The following SLC9A6 variants were observed in gnomAD, a reference collection of about 807,000 sequenced individuals.
The protein encoded by SLC9A6 is solute carrier family 9 member A6.
In SLC9A6, 6 loss-of-function variants were observed where a neutral mutation model predicts 45.3. That is an observed-to-expected ratio of 0.13 (90% CI 0.07 to 0.26). The LOEUF (loss-of-function observed/expected upper bound fraction) is 0.26, where lower values mean the gene tolerates loss of function less well. Among genes scored for constraint, SLC9A6 ranks in the 10% least tolerant of loss-of-function variants. SLC9A6 has a pLI of 1.00. For missense variants in SLC9A6, 278 were observed against 503.7 expected (o/e 0.55, Z 4.29); for synonymous variants, 191 against 187.7 (o/e 1.02, Z -0.14).
At chrX:136,031,807 T>C (rs2071326645) in intron 15 of SLC9A6, among the ~76,000 whole-genome samples, 1 of 111,273 alleles carries the variant, frequency 9.0e-6, no homozygotes, top group Non-Finnish European at 1.9e-5. Context: ...GGTGTTCATG[T>C]GGTGAGGGGT....
At chrX:135,998,819 TA>T (rs781887044) in intron 5 of SLC9A6, 36 bp from the exon 6 acceptor site, 16 of 987,477 alleles carry the variant, frequency 1.6e-5, no homozygotes, top group Admixed American at 4.4e-5. Flanking sequence ...TAACAGTTGA[TA>T]TTTTTTTCTA....
At chrX:136,010,223 T>TAC (rs1159757598) in intron 7 of SLC9A6, 1 of 339,875 alleles carries the variant, frequency 2.9e-6, no homozygotes. Flanking sequence ...TACAATGTTC[T>TAC]ACCCCCCCCC....
chrX:136,030,618 A>C (rs1370132195), intron 15 of SLC9A6, among the ~76,000 whole-genome samples: 1 of 111,661 alleles, frequency 9.0e-6, no homozygotes, highest in African/African-American at 3.3e-5. Context: ...ATCTTCAACC[A>C]GTCTTCCCTG....
intron 10 of SLC9A6, among the ~76,000 whole-genome samples, chrX:136,015,745 A>C (rs2071007044): frequency 8.9e-6 from 1 of 111,743 alleles, no homozygotes; most frequent in African/African-American, 3.3e-5. Flanking sequence ...TTTTTGGGTA[A>C]TAAGGCAACC....
In SLC9A6 at chrX:136,011,826, C is replaced by T. The variant is rs782798211; in HGVS notation, c.886-1123C>T. On this transcript the variant is annotated intron_variant, in intron 8 of 17. Transcript: ENST00000630721. The stretch of plus-strand genomic sequence containing the variant: ...CCAGCTCTGGCCTGGTGCAGTGGCT[C>T]GTGCCTGTAATCCTAGCACTTTGGG... 7.2e-5 allele frequency among the ~76,000 whole-genome samples: 8 copies of T among 111,269 alleles called. No individual in the cohort carries two copies. The East Asian group carries it at 2.0e-3, about 28-fold the overall frequency.
chrX:136,044,699 A>AT lies in SLC9A6; in HGVS notation c.2016dup (p.Asn673Ter). 1 of 1,211,056 alleles carries AT rather than the reference A, an allele frequency of 8.3e-7. No individual in the cohort carries two copies. The highest frequency in any genetic ancestry group is 1.1e-6 in the Non-Finnish European group (1 of 894,924). ...TCTGAACCCCCGCTAAATTTGTTAG[A>AT]TAATACGAGACATGGTCCAGCCTAA... On this transcript the variant is annotated frameshift_variant, in exon 18 of 18. Coordinates refer to ENST00000630721, the MANE Select transcript of SLC9A6 (RefSeq NM_001379110.1). LOFTEE classifies it high-confidence loss of function.
chrX:135,991,744 C>T (rs2089434213), intron 2 of SLC9A6, among the ~76,000 whole-genome samples: 1 of 110,977 alleles, frequency 9.0e-6, no homozygotes, highest in Non-Finnish European at 1.9e-5. Context: ...TAGTTTTTAT[C>T]ACTTCCTTCT....
At chrX:136,001,093 T>C (rs889317604) in intron 6 of SLC9A6, among the ~76,000 whole-genome samples, 5 of 111,029 alleles carry the variant, frequency 4.5e-5, no homozygotes, top group African/African-American at 1.6e-4. Flanking sequence ...CCCAGCCCTT[T>C]GGGAGGCTGA....
At chrX:136,020,520 G>A (rs781965315) in intron 11 of SLC9A6, among the ~76,000 whole-genome samples, 12 of 110,611 alleles carry the variant, frequency 1.1e-4, no homozygotes, top group South Asian at 7.6e-4. Context: ...ACAGGCATGC[G>A]CCACCACGCC....
chrX:136,016,509 C>G (rs1406291283), intron 10 of SLC9A6, 136 bp from the exon 11 acceptor site: 1 of 419,206 alleles, frequency 2.4e-6, no homozygotes, highest in Non-Finnish European at 4.1e-6. Flanking sequence ...ACATTTGCTC[C>G]CTTCTGAACC....
chrX:136,016,173 A>G (rs1340093681), intron 10 of SLC9A6, among the ~76,000 whole-genome samples: 1 of 111,415 alleles, frequency 9.0e-6, no homozygotes, highest in African/African-American at 3.3e-5. Context: ...CTCACGAAGC[A>G]CTCTATGCTA....
intron 17 of SLC9A6, 62 bp from the exon 18 acceptor site, chrX:136,044,390 C>T (rs938695731): frequency 9.9e-7 from 1 of 1,013,126 alleles, no homozygotes; most frequent in African/African-American, 1.9e-5. Context: ...CGAAAATACT[C>T]CTATTGGAAA....
chrX:136,006,498 G>GTTATT (rs1460240752), intron 7 of SLC9A6, among the ~76,000 whole-genome samples: 8 of 100,787 alleles, frequency 7.9e-5, no homozygotes, highest in African/African-American at 2.6e-4. Flanking sequence ...TGGAGTAGCA[G>GTTATT]TTATTTTATT....
At chrX:136,015,321 G>A (rs371622570) in intron 10 of SLC9A6, among the ~76,000 whole-genome samples, 1 of 112,351 alleles carries the variant, frequency 8.9e-6, no homozygotes, top group South Asian at 3.6e-4. Context: ...AAGTAGTTGT[G>A]ACAGAGACTT....
chrX:136,023,777 A>G (rs1394319546), intron 12 of SLC9A6, among the ~76,000 whole-genome samples: 3 of 112,016 alleles, frequency 2.7e-5, no homozygotes, highest in Non-Finnish European at 5.6e-5. Context: ...TCATGTGGCT[A>G]TAGACCAAAA....
At chrX:136,020,848 A>G (rs781861837) in intron 11 of SLC9A6, among the ~76,000 whole-genome samples, 5 of 108,376 alleles carry the variant, frequency 4.6e-5, no homozygotes, top group Non-Finnish European at 7.6e-5. Flanking sequence ...TTTTATCTTC[A>G]TCATTGTTTT....
intron 2 of SLC9A6, among the ~76,000 whole-genome samples, chrX:135,992,725 T>C (rs2089451626): frequency 8.9e-6 from 1 of 112,263 alleles, no homozygotes; most frequent in Admixed American, 9.5e-5. Context: ...GGTTGCATAG[T>C]TGTCTCTTTT....
At chrX:136,039,411 C>T (rs1471142178) in intron 16 of SLC9A6, among the ~76,000 whole-genome samples, 2 of 110,407 alleles carry the variant, frequency 1.8e-5, no homozygotes, top group Non-Finnish European at 3.8e-5. Context: ...CATATATTCT[C>T]ATGTCTATTT....
At chrX:136,001,376 C>T (rs1888905489) in intron 6 of SLC9A6, among the ~76,000 whole-genome samples, 1 of 107,267 alleles carries the variant, frequency 9.3e-6, no homozygotes, top group Admixed American at 1.0e-4. Context: ...GCTCACCTCT[C>T]GTTATATTAA....
Sources: allele counts gnomAD v4.1 joint callset (sites outside exome capture counted in the v4.1 genomes callset), GRCh38; gene constraint gnomAD v4.1.1; transcripts MANE v1.5; gene names NCBI Gene and HGNC (gene_info 2026-07-23, HGNC 2026-07-21).